Variants in PCDHA6 observed in about 807,000 individuals in gnomAD.
The protein encoded by PCDHA6 is protocadherin alpha 6, also known as protocadherin alpha-6.
In PCDHA6, 55 loss-of-function variants were observed where a neutral mutation model predicts 60.3. That is an observed-to-expected ratio of 0.91 (90% CI 0.73 to 1.14). The LOEUF (loss-of-function observed/expected upper bound fraction) is 1.14. Among genes scored for constraint, PCDHA6 ranks in the 50% most tolerant of loss-of-function variants. The probability of loss-of-function intolerance (pLI) is 0.00; values close to 1 mark genes in which losing one functional copy is unlikely to be tolerated. For missense variants in PCDHA6, 1,327 were observed against 1,256.5 expected, an observed-to-expected ratio of 1.06 and a Z score of -0.85; for synonymous variants, 652 against 557.9, an observed-to-expected ratio of 1.17 and a Z score of -2.38.
Position 140,835,427 on chromosome 5 carries a change from A to G in PCDHA6, c.2394+4942A>G, listed in dbSNP as rs2150235532. The stretch of plus-strand genomic sequence containing the variant: ...TTGTGGATGTAAATGACAATGCTCC[A>G]CAGTTGACTCTCACTTCCCTGTCTC... On this transcript the variant is annotated intron_variant, in intron 1 of 3. Transcript: ENST00000529310. The G allele has an allele frequency of 7.4e-6, 12 of 1,613,812 alleles. No homozygotes were observed. In the Admixed American group the frequency reaches 1.5e-4, roughly 20 times the overall value.
At chr5:140,906,766 C>T (rs1162031965) in intron 1 of PCDHA6, among the ~76,000 whole-genome samples, 1 of 152,224 alleles carries the variant, frequency 6.6e-6, no homozygotes, top group African/African-American at 2.4e-5. Flanking sequence ...TACTAAGAGA[C>T]ACCCTAAGGG....
intron 1 of PCDHA6, chr5:140,875,498 C>A (rs782226561): frequency 1.9e-6 from 3 of 1,613,292 alleles, no homozygotes; most frequent in East Asian, 4.5e-5. Flanking sequence ...CCAAGAGGCC[C>A]GGGATCCCAG....
At chr5:140,850,316 T>G in intron 1 of PCDHA6, 1 of 1,597,142 alleles carries the variant, frequency 6.3e-7, no homozygotes, top group Non-Finnish European at 8.6e-7. Context: ...ACGCGTGGCT[T>G]TCATACGAGC....
chr5:140,960,628 T>C (rs1474502656), intron 1 of PCDHA6, among the ~76,000 whole-genome samples: 1 of 152,192 alleles, frequency 6.6e-6, no homozygotes, highest in Non-Finnish European at 1.5e-5. Context: ...TTTTGAAATA[T>C]ATTTTTAAAA....
intron 1 of PCDHA6, among the ~76,000 whole-genome samples, chr5:140,971,248 A>G (rs552592175): frequency 6.6e-6 from 1 of 152,330 alleles, no homozygotes; most frequent in East Asian, 1.9e-4. Context: ...AATTTGATAC[A>G]TAAACTATTT....
chr5:140,862,612 A>G, intron 1 of PCDHA6: 1 of 522,286 alleles, frequency 1.9e-6, no homozygotes, highest in Admixed American at 2.0e-5. Context: ...CGTGAAAGGT[A>G]ACAACCCGCG....
intron 1 of PCDHA6, among the ~76,000 whole-genome samples, chr5:140,932,387 T>C (rs1419863335): frequency 6.6e-6 from 1 of 151,960 alleles, no homozygotes; most frequent in Non-Finnish European, 1.5e-5. Context: ...AAGTTATACA[T>C]AGTTTCAACA....
intron 1 of PCDHA6, chr5:140,967,059 C>A (rs2153750398): frequency 6.2e-7 from 1 of 1,612,750 alleles, no homozygotes; most frequent in Non-Finnish European, 8.5e-7. Context: ...ACGAGTGGAG[C>A]GCTCTTCGTC....
At chr5:140,869,616 G>C (rs1554163306) in intron 1 of PCDHA6, 1 of 1,613,734 alleles carries the variant, frequency 6.2e-7, no homozygotes, top group Non-Finnish European at 8.5e-7. Context: ...TGACCTACAG[G>C]CTAAGTAAAA....
At chr5:140,879,676 C>G (rs539657930) in intron 1 of PCDHA6, among the ~76,000 whole-genome samples, 1 of 152,308 alleles carries the variant, frequency 6.6e-6, no homozygotes, top group South Asian at 2.1e-4. Flanking sequence ...AAACTGGGTG[C>G]TGTAAAACAG....
chr5:140,897,509 G>T (rs2153456975), intron 1 of PCDHA6, among the ~76,000 whole-genome samples: 1 of 152,062 alleles, frequency 6.6e-6, no homozygotes, highest in East Asian at 1.9e-4. Context: ...CCCTACAAAG[G>T]ACATGAACTC....
chr5:140,834,385 T>C, intron 1 of PCDHA6: 1 of 1,568,318 alleles, frequency 6.4e-7, no homozygotes, highest in South Asian at 1.2e-5. Flanking sequence ...TAATTTGAAA[T>C]GGTGTGCCCG....
At chr5:140,850,671 A>T in intron 1 of PCDHA6, 1 of 1,598,160 alleles carries the variant, frequency 6.3e-7, no homozygotes, top group Non-Finnish European at 8.6e-7. Context: ...GTGCTCGGCG[A>T]TGCCCACCGA....
intron 1 of PCDHA6, among the ~76,000 whole-genome samples, chr5:140,974,881 C>A (rs191346198): frequency 6.6e-6 from 1 of 152,228 alleles, no homozygotes; most frequent in African/African-American, 2.4e-5. Flanking sequence ...GTCTATGTAT[C>A]CCTTTTCTGA....
In PCDHA6 at chr5:140,829,870, G is replaced by T. The variant is rs2150176653; in HGVS notation, c.1779G>T (p.Lys593Asn). 13 of 1,613,946 alleles carry T rather than the reference G, an allele frequency of 8.1e-6. No individual in the cohort carries two copies. The South Asian group carries it at 1.4e-4, about 18-fold the overall frequency. ...TGGGTGCAGGCCAAGTGGTGGCGAA[G>T]GTGCGCGCAGTTGACGCCGACTCAG... ...RSLGAGQVVAKVRAVDADSGY... is the reference protein window; with the variant it reads ...RSLGAGQVVANVRAVDADSGY... The change falls in exon 1 of 4, where the codon AAG (lysine) becomes AAT (asparagine). Residue 593 changes from lysine to asparagine, a missense_variant. Transcript: ENST00000529310.
intron 1 of PCDHA6, among the ~76,000 whole-genome samples, chr5:140,901,405 G>C (rs1366026091): frequency 6.6e-6 from 1 of 152,128 alleles, no homozygotes; most frequent in Non-Finnish European, 1.5e-5. Context: ...TGAGAGATAG[G>C]GGTCTAGTTT....
At chr5:140,972,275 G>A (rs548735122) in intron 1 of PCDHA6, among the ~76,000 whole-genome samples, 1 of 150,974 alleles carries the variant, frequency 6.6e-6, no homozygotes, top group African/African-American at 2.4e-5. Flanking sequence ...GAGTAGCTTG[G>A]ACCATAGATG....
At chr5:140,838,701 C>T (rs1368590558) in intron 1 of PCDHA6, among the ~76,000 whole-genome samples, 2 of 151,802 alleles carry the variant, frequency 1.3e-5, no homozygotes, top group South Asian at 2.1e-4. Flanking sequence ...TTCGGGAGGC[C>T]GAGGCAGGAG....
chr5:140,856,808 C>G (rs1554149136), intron 1 of PCDHA6: 1 of 1,594,492 alleles, frequency 6.3e-7, no homozygotes. Context: ...GTATGAAAAT[C>G]AAGTGAACCA....
Sources: allele counts gnomAD v4.1 joint callset (sites outside exome capture counted in the v4.1 genomes callset), GRCh38; gene constraint gnomAD v4.1.1; transcripts MANE v1.5; gene names NCBI Gene and HGNC (gene_info 2026-07-23, HGNC 2026-07-21).